The following HIRA variants were observed in gnomAD, a reference collection of about 807,000 sequenced individuals.
HIRA encodes the protein protein HIRA.
Under a neutral mutation model 126.6 loss-of-function variants are expected in HIRA, and 13 were observed. That is an observed-to-expected ratio of 0.10 (90% CI 0.07 to 0.16). The LOEUF is 0.16. Among genes scored for constraint, HIRA ranks in the 10% least tolerant of loss-of-function variants. HIRA has a pLI of 1.00. For synonymous variants in HIRA, 511 were observed against 520.0 expected (o/e 0.98, Z 0.24); for missense variants, 834 against 1,314.4 (o/e 0.63, Z 5.65).
At chr22:19,367,271 G>A (rs2088922225) in intron 15 of HIRA, among the ~76,000 whole-genome samples, 1 of 152,022 alleles carries the variant, frequency 6.6e-6, no homozygotes, top group Non-Finnish European at 1.5e-5. Flanking sequence ...ATTGATTCCA[G>A]GACCCCCAGG....
At chr22:19,362,320 A>G (rs1179055021) in intron 15 of HIRA, among the ~76,000 whole-genome samples, 1 of 152,208 alleles carries the variant, frequency 6.6e-6, no homozygotes, top group Admixed American at 6.5e-5. Context: ...CAAACAAATA[A>G]CAGCCACCAT....
rs545334184 is a variant in HIRA at position 19,359,274 on chromosome 22, C to A, written c.2234+62G>T. ...TGCACCTCCCCTAGACAGGCCCAGG[C>A]CCAGAATGATGGCATGTGTGCCTGT... On this transcript the variant is annotated intron_variant, in intron 18 of 24. Coordinates refer to ENST00000263208, the MANE Select transcript of HIRA (RefSeq NM_003325.4). The A allele has an allele frequency of 3.2e-4, 466 of 1,465,958 alleles. 1 individual carries two copies. The highest frequency in any genetic ancestry group is 4.1e-4 in the Non-Finnish European group (457 of 1,107,896). 90.8% of individuals were successfully genotyped at this position (1,465,958 alleles called of 1,614,324 possible). A position where few individuals can be genotyped will look rare whatever the true frequency, so the allele number is the denominator to read the frequency against.
At chr22:19,365,512 G>T (rs1357426236) in intron 15 of HIRA, among the ~76,000 whole-genome samples, 1 of 152,158 alleles carries the variant, frequency 6.6e-6, no homozygotes, top group African/African-American at 2.4e-5. Flanking sequence ...AATGCAACAA[G>T]AAAGCCTAGA....
intron 1 of HIRA, among the ~76,000 whole-genome samples, chr22:19,420,659 G>C (rs915495799): frequency 6.6e-6 from 1 of 152,020 alleles, no homozygotes; most frequent in Non-Finnish European, 1.5e-5. Context: ...AGGCTGCAGT[G>C]AACTATGGTC....
At chr22:19,413,984 T>C (rs1456786860) in intron 1 of HIRA, among the ~76,000 whole-genome samples, 2 of 152,090 alleles carry the variant, frequency 1.3e-5, no homozygotes, top group African/African-American at 2.4e-5. Flanking sequence ...CTGAGCTAGT[T>C]AGACAACTCT....
At chr22:19,345,217 C>G (rs1974212811) in intron 24 of HIRA, among the ~76,000 whole-genome samples, 1 of 152,178 alleles carries the variant, frequency 6.6e-6, no homozygotes, top group South Asian at 2.1e-4. Context: ...ATGACATGAT[C>G]TTATATATGG....
At chr22:19,382,767 C>CT (rs1228408103) in intron 13 of HIRA, among the ~76,000 whole-genome samples, 11 of 134,282 alleles carry the variant, frequency 8.2e-5, no homozygotes, top group East Asian at 4.2e-4. Flanking sequence ...TATCATTTTT[C>CT]TTTCTTTTTT....
chr22:19,403,160 A>C (rs2089283248), intron 5 of HIRA, among the ~76,000 whole-genome samples: 1 of 152,116 alleles, frequency 6.6e-6, no homozygotes, highest in African/African-American at 2.4e-5. Flanking sequence ...ATTTTAAAAA[A>C]AGCATTTTTA....
In HIRA at chr22:19,357,027, T is replaced by A; in HGVS notation, c.2259A>T (p.Glu753Asp). 1 of 1,614,058 alleles carries A rather than the reference T, an allele frequency of 6.2e-7. No homozygotes were observed. Among genetic ancestry groups the A allele is most frequent in the South Asian group, 1.1e-5 (1 of 91,068 alleles). Residue 753 changes from glutamate (E) to aspartate (D), a missense_variant, in exon 19 of 25, where the codon GAA (glutamate) becomes GAT (aspartate). Transcript: ENST00000263208. ...TGGAGAACACTGACAGCATCCTTTT[T>A]TCACAGGCGACACACACCACGTCAC... ...GSCDVVCVACEKRMLSVFSTC... is the reference protein window; with the variant it reads ...GSCDVVCVACDKRMLSVFSTC...
chr22:19,341,859 C>A (rs2088632774), intron 24 of HIRA, among the ~76,000 whole-genome samples: 1 of 152,186 alleles, frequency 6.6e-6, no homozygotes, highest in Admixed American at 6.5e-5. Context: ...TAGAAGATAA[C>A]ATCGGAAAAA....
chr22:19,359,362 G>A lies in HIRA; in HGVS notation c.2208C>T (p.Ser736=). ...AGCTGCCCGCAGCAGTGAGGATCCG[G>A]CTGGTGAGTACCGTCTCCCACTCCT... The part of the protein sequence containing the change: ...EGKEWETVLT[S]RILTAAGSCD... Residue 736 remains serine, a synonymous_variant, in exon 18 of 25, where the codon AGC becomes AGT. Coordinates refer to ENST00000263208, the MANE Select transcript of HIRA (RefSeq NM_003325.4). The A allele has an allele frequency of 1.2e-6, 2 of 1,601,324 alleles. No homozygotes were observed. Among genetic ancestry groups the A allele is most frequent in the East Asian group, 2.3e-5 (1 of 43,856 alleles).
chr22:19,412,398 A>C (rs1193838287), intron 1 of HIRA, among the ~76,000 whole-genome samples: 1 of 152,262 alleles, frequency 6.6e-6, no homozygotes, highest in Admixed American at 6.5e-5. Context: ...ATTATGAGCA[A>C]ATAATAAAAC....
intron 24 of HIRA, among the ~76,000 whole-genome samples, chr22:19,340,428 G>C (rs1556007243): frequency 6.6e-6 from 1 of 152,032 alleles, no homozygotes; most frequent in East Asian, 1.9e-4. Context: ...AAAGGGAAAA[G>C]ATAAAAGGGT....
chr22:19,350,051 G>A (rs375421467), intron 24 of HIRA, among the ~76,000 whole-genome samples: 10 of 151,458 alleles, frequency 6.6e-5, no homozygotes, highest in African/African-American at 1.7e-4. Flanking sequence ...GCAGTGGCGC[G>A]ATCTTGGCTC....
At chr22:19,366,846 C>T (rs766899532) in intron 15 of HIRA, among the ~76,000 whole-genome samples, 2 of 152,112 alleles carry the variant, frequency 1.3e-5, no homozygotes, top group African/African-American at 4.8e-5. Context: ...CTGCAACCTC[C>T]GCCTCCTGGG....
chr22:19,352,013 G>A (rs1434088199), intron 23 of HIRA, among the ~76,000 whole-genome samples: 1 of 152,004 alleles, frequency 6.6e-6, no homozygotes, highest in African/African-American at 2.4e-5. Context: ...GGCAGCTAAA[G>A]CAATAGGGAA....
intron 3 of HIRA, 67 bp from the exon 4 acceptor site, chr22:19,407,341 T>A: frequency 8.0e-7 from 1 of 1,257,160 alleles, no homozygotes; most frequent in Non-Finnish European, 1.2e-6. Flanking sequence ...ATGTAGAGTT[T>A]GGCAAGATGT....
intron 13 of HIRA, among the ~76,000 whole-genome samples, chr22:19,380,384 T>C (rs2089061691): frequency 6.6e-6 from 1 of 152,220 alleles, no homozygotes; most frequent in Non-Finnish European, 1.5e-5. Flanking sequence ...AGCCAATGTT[T>C]TATCACTGAT....
chr22:19,348,726 A>G (rs1451866420), intron 24 of HIRA, among the ~76,000 whole-genome samples: 2 of 152,012 alleles, frequency 1.3e-5, no homozygotes, highest in Non-Finnish European at 2.9e-5. Context: ...CAAACTCCTG[A>G]CCTCATGATC....
Sources: allele counts gnomAD v4.1 joint callset (sites outside exome capture counted in the v4.1 genomes callset), GRCh38; gene constraint gnomAD v4.1.1; transcripts MANE v1.5; gene names NCBI Gene and HGNC (gene_info 2026-07-23, HGNC 2026-07-21).